GPC5: variants seen among roughly 807,000 people sequenced by gnomAD.
GPC5 encodes glypican 5.
In GPC5, 47 loss-of-function variants were observed where a neutral mutation model predicts 53.9. The observed-to-expected ratio is 0.87, with a 90% confidence interval of 0.69 to 1.11. The LOEUF is 1.11. GPC5 is among the 50% of genes most tolerant of loss of function. The pLI, the probability that GPC5 is intolerant of heterozygous loss-of-function variation, is 0.00. For synonymous variants in GPC5, 286 were observed against 263.3 expected (o/e 1.09, Z -0.84); for missense variants, 748 against 713.1 (o/e 1.05, Z -0.56).
At chr13:91,757,499 A>G (rs187529070) in intron 5 of GPC5, among the ~76,000 whole-genome samples, 2 of 152,180 alleles carry the variant, frequency 1.3e-5, no homozygotes. Context: ...AGATCATTTA[A>G]TCATGGGGAT....
At chr13:92,437,353 A>G (rs886604381) in intron 7 of GPC5, among the ~76,000 whole-genome samples, 3 of 152,118 alleles carry the variant, frequency 2.0e-5, no homozygotes, top group African/African-American at 7.2e-5. Flanking sequence ...CTTACAATAG[A>G]CTTGTTAAAT....
intron 7 of GPC5, among the ~76,000 whole-genome samples, chr13:92,796,444 G>A (rs1316527609): frequency 2.0e-5 from 3 of 151,804 alleles, no homozygotes; most frequent in African/African-American, 4.8e-5. Context: ...AAACCAACAC[G>A]GCACATGTAC....
At chr13:91,712,465 A>G (rs926763582) in intron 3 of GPC5, among the ~76,000 whole-genome samples, 1 of 152,130 alleles carries the variant, frequency 6.6e-6, no homozygotes, top group African/African-American at 2.4e-5. Flanking sequence ...TATGAATCAT[A>G]AATATTTTTA....
chr13:92,553,475 T>A (rs1032128502), intron 7 of GPC5, among the ~76,000 whole-genome samples: 4 of 152,012 alleles, frequency 2.6e-5, no homozygotes, highest in Non-Finnish European at 5.9e-5. Flanking sequence ...ATGTAGACAT[T>A]ATGATACAAA....
intron 6 of GPC5, among the ~76,000 whole-genome samples, chr13:92,114,902 T>TC (rs2041588298): frequency 6.6e-6 from 1 of 151,116 alleles, no homozygotes; most frequent in Non-Finnish European, 1.5e-5. Flanking sequence ...CGTTCTTGAG[T>TC]TTTAAGATAA....
At chr13:91,576,503 A>G (rs2032142673) in intron 2 of GPC5, among the ~76,000 whole-genome samples, 1 of 152,184 alleles carries the variant, frequency 6.6e-6, no homozygotes, top group African/African-American at 2.4e-5. Context: ...TTGCATCAGG[A>G]GATTCCTAAC....
intron 2 of GPC5, among the ~76,000 whole-genome samples, chr13:91,689,228 T>TATATAC (rs2035699681): frequency 4.4e-5 from 4 of 91,240 alleles, no homozygotes; most frequent in Admixed American, 1.1e-4. Context: ...TATATATATA[T>TATATAC]ATACACATAT....
intron 5 of GPC5, among the ~76,000 whole-genome samples, chr13:91,871,857 A>C (rs958618141): frequency 6.6e-6 from 1 of 152,128 alleles, no homozygotes; most frequent in African/African-American, 2.4e-5. Flanking sequence ...TTTTCATGAC[A>C]GTAACATAAG....
chr13:92,718,973 T>C (rs1037624762), intron 7 of GPC5, among the ~76,000 whole-genome samples: 1 of 151,666 alleles, frequency 6.6e-6, no homozygotes, highest in Admixed American at 6.6e-5. Flanking sequence ...ATGCTTGAGG[T>C]GATACCCCCC....
At chr13:92,440,262 C>G (rs577112562) in intron 7 of GPC5, among the ~76,000 whole-genome samples, 3 of 152,268 alleles carry the variant, frequency 2.0e-5, no homozygotes, top group South Asian at 4.1e-4. Context: ...CCTCTCTCTC[C>G]ATTGTAGTAG....
chr13:92,333,230 A>G (rs1594106960), intron 7 of GPC5, among the ~76,000 whole-genome samples: 1 of 152,190 alleles, frequency 6.6e-6, no homozygotes, highest in African/African-American at 2.4e-5. Context: ...CACTTCTCTT[A>G]GTAAATATCA....
intron 1 of GPC5, among the ~76,000 whole-genome samples, chr13:91,405,903 C>A (rs1251435572): frequency 6.6e-6 from 1 of 152,166 alleles, no homozygotes; most frequent in African/African-American, 2.4e-5. Flanking sequence ...TTCTGAGTAG[C>A]TGGGCCCGTA....
At chr13:92,300,064 A>G (rs1441187623) in intron 7 of GPC5, among the ~76,000 whole-genome samples, 1 of 152,200 alleles carries the variant, frequency 6.6e-6, no homozygotes, top group East Asian at 1.9e-4. Flanking sequence ...ATGAAACTAT[A>G]TTCCTTTTAG....
chr13:92,388,530 T>C (rs755927503), intron 7 of GPC5, among the ~76,000 whole-genome samples: 9 of 152,240 alleles, frequency 5.9e-5, no homozygotes, highest in Non-Finnish European at 1.3e-4. Flanking sequence ...AGCCAAAGAC[T>C]ACCAGGAATA....
intron 7 of GPC5, among the ~76,000 whole-genome samples, chr13:92,208,051 G>T (rs1276839923): frequency 6.6e-6 from 1 of 152,124 alleles, no homozygotes; most frequent in African/African-American, 2.4e-5. Flanking sequence ...ACATTTGTGT[G>T]CCCTAGAAGG....
chr13:92,242,757 A>G (rs919251720), intron 7 of GPC5, among the ~76,000 whole-genome samples: 3 of 152,102 alleles, frequency 2.0e-5, no homozygotes, highest in Non-Finnish European at 2.9e-5. Context: ...ATTATAACCT[A>G]TTAGTCTTTA....
intron 1 of GPC5, among the ~76,000 whole-genome samples, chr13:91,441,533 A>G (rs894189111): frequency 6.6e-6 from 1 of 152,176 alleles, no homozygotes; most frequent in Non-Finnish European, 1.5e-5. Context: ...GCACCTTTGT[A>G]CCATCGAATT....
At chr13:91,902,812 G>C (rs547396343) in intron 5 of GPC5, among the ~76,000 whole-genome samples, 1 of 152,084 alleles carries the variant, frequency 6.6e-6, no homozygotes, top group Admixed American at 6.6e-5. Context: ...TTTTATATCA[G>C]ACTTAGATCC....
In GPC5 at chr13:91,693,771, G is replaced by A; in HGVS notation, c.910G>A (p.Asp304Asn). 2.5e-6 allele frequency: 4 copies of A among 1,614,158 alleles called. No individual in the cohort carries two copies. The highest frequency in any genetic ancestry group is 3.4e-6 in the Non-Finnish European group (4 of 1,180,022). ...TATCCGGTCGTTGGAAGAACTCTCGGATGCAATGCATGGAACATACGACAT... is the reference window on the plus strand; with the variant it reads ...TATCCGGTCGTTGGAAGAACTCTCGAATGCAATGCATGGAACATACGACAT... ...AYIRSLEELSDAMHGTYDIGH... is the reference protein window; with the variant it reads ...AYIRSLEELSNAMHGTYDIGH... The change falls in exon 3 of 8, where the codon GAT becomes AAT. Residue 304 changes from aspartate to asparagine, a missense_variant. Asp to Asn is a conservative substitution (Grantham distance 23, BLOSUM62 1). Coordinates refer to ENST00000377067, the MANE Select transcript of GPC5 (RefSeq NM_004466.6).
Sources: gnomAD v4.1 joint callset for allele counts (sites outside exome capture counted in the v4.1 genomes callset) on GRCh38, gnomAD v4.1.1 for gene constraint, MANE v1.5 for transcripts, NCBI Gene and HGNC (gene_info 2026-07-23, HGNC 2026-07-21) for gene names.